Variants in DNAAF4 observed in about 807,000 individuals in gnomAD.
DNAAF4 encodes the protein dynein axonemal assembly factor 4.
A neutral mutation model predicts 51.8 loss-of-function variants in DNAAF4; 43 were observed. The observed-to-expected ratio is 0.83, with a 90% CI of 0.65 to 1.07. The LOEUF is 1.07. Among genes scored for constraint, DNAAF4 ranks in the 50% least tolerant of loss-of-function variants. The pLI is 0.00. For missense variants in DNAAF4, 581 were observed against 493.0 expected (o/e 1.18, Z -1.69); for synonymous variants, 194 against 165.6 (o/e 1.17, Z -1.32).
intron 9 of DNAAF4, among the ~76,000 whole-genome samples, chr15:55,431,892 T>G (rs1387587971): frequency 6.6e-6 from 1 of 152,048 alleles, no homozygotes; most frequent in African/African-American, 2.4e-5. Context: ...CCTGGGATTA[T>G]AGGCGTGAAG....
intron 7 of DNAAF4, among the ~76,000 whole-genome samples, chr15:55,439,215 C>T (rs903922038): frequency 1.3e-5 from 2 of 152,170 alleles, no homozygotes; most frequent in Non-Finnish European, 2.9e-5. Context: ...ATCCTCCCGC[C>T]GCAGCCTTCT....
chr15:55,483,386 T>C (rs917965038), intron 4 of DNAAF4, among the ~76,000 whole-genome samples: 16 of 150,070 alleles, frequency 1.1e-4, no homozygotes, highest in Non-Finnish European at 2.1e-4. Context: ...TGAGCCACCA[T>C]GCCTGGCCAA....
chr15:55,473,460 T>G (rs1242369484), intron 4 of DNAAF4, among the ~76,000 whole-genome samples: 1 of 150,490 alleles, frequency 6.6e-6, no homozygotes, highest in Non-Finnish European at 1.5e-5. Context: ...TAGGAAAATA[T>G]TAAAATTATA....
At chr15:55,429,153 C>T (rs751334957), downstream of DNAAF4, among the ~76,000 whole-genome samples, 3 of 151,742 alleles carry the variant, frequency 2.0e-5, no homozygotes, top group Admixed American at 6.6e-5. Context: ...ACCCAGGAGA[C>T]GGAGGTTGCA....
At chr15:55,429,379 G>A (rs1004497353), downstream of DNAAF4, among the ~76,000 whole-genome samples, 2 of 151,810 alleles carry the variant, frequency 1.3e-5, no homozygotes, top group Admixed American at 1.3e-4. Flanking sequence ...AAATTAATCA[G>A]GCGTGGTGGT....
chr15:55,497,354 G>C (rs2141602078), intron 3 of DNAAF4, among the ~76,000 whole-genome samples: 1 of 152,248 alleles, frequency 6.6e-6, no homozygotes, highest in East Asian at 1.9e-4. Flanking sequence ...CCAGCACTTT[G>C]GGAGGTCAAG....
intron 4 of DNAAF4, among the ~76,000 whole-genome samples, chr15:55,481,161 A>T (rs929160060): frequency 6.6e-6 from 1 of 152,160 alleles, no homozygotes; most frequent in African/African-American, 2.4e-5. Context: ...GATCTTGGGT[A>T]TGTCTTCATT....
intron 6 of DNAAF4, among the ~76,000 whole-genome samples, chr15:55,445,032 C>CTTTTTTTTTTTTT (rs35988188): frequency 1.8e-5 from 2 of 109,038 alleles, no homozygotes; most frequent in African/African-American, 3.6e-5. Flanking sequence ...ATTGAATACC[C>CTTTTTTTTTTTTT]TTTTTTTTTT....
intron 4 of DNAAF4, among the ~76,000 whole-genome samples, chr15:55,485,427 C>A (rs1595945054): frequency 6.6e-6 from 1 of 152,120 alleles, no homozygotes; most frequent in Non-Finnish European, 1.5e-5. Context: ...TGATAAGGAT[C>A]ATTTTGAGGT....
chr15:55,479,810 C>G (rs1406319038), intron 4 of DNAAF4, among the ~76,000 whole-genome samples: 1 of 152,100 alleles, frequency 6.6e-6, no homozygotes, highest in Non-Finnish European at 1.5e-5. Flanking sequence ...CCCTGGTCTC[C>G]TGCAGAACCC....
At chr15:55,443,490 T>C (rs964162796) in intron 6 of DNAAF4, 44 of 520,678 alleles carry the variant, frequency 8.5e-5, no homozygotes, top group African/African-American at 4.6e-4. Context: ...CTATTGTGAA[T>C]AGTGCTGCAA....
At chr15:55,475,017 C>T (rs2058317445) in intron 4 of DNAAF4, among the ~76,000 whole-genome samples, 1 of 151,858 alleles carries the variant, frequency 6.6e-6, no homozygotes, top group African/African-American at 2.4e-5. Flanking sequence ...ATAAGCAAGT[C>T]ATATATGTGT....
chr15:55,486,599 T>G (rs1304409617), intron 4 of DNAAF4, among the ~76,000 whole-genome samples: 1 of 152,000 alleles, frequency 6.6e-6, no homozygotes, highest in African/African-American at 2.4e-5. Context: ...CTGGGCAACA[T>G]AGTTAGACCC....
At position 55,477,149 on chromosome 15, in the gene DNAAF4, G is replaced by A. The variant is rs2058346413; in HGVS notation, c.406-9988C>T. Among the ~76,000 whole-genome samples, 4 of 151,544 alleles carry A rather than the reference G, an allele frequency of 2.6e-5. No individual in the cohort carries two copies. In the South Asian group the frequency reaches 8.3e-4, roughly 31 times the overall value. On this transcript the variant is annotated intron_variant, in intron 4 of 9. Coordinates refer to ENST00000321149, the MANE Select transcript of DNAAF4 (RefSeq NM_130810.4). The stretch of plus-strand genomic sequence containing the variant: ...ATCACGCCACTGTACTCCAGCCTGG[G>A]CAACAGAATGAAACTCCAACTCAAA...
At chr15:55,497,310 A>G (rs1008538136) in intron 3 of DNAAF4, among the ~76,000 whole-genome samples, 3 of 152,172 alleles carry the variant, frequency 2.0e-5, no homozygotes, top group Admixed American at 6.5e-5. Context: ...AGGAAAGTCT[A>G]TCTGGCCGGG....
intron 3 of DNAAF4, among the ~76,000 whole-genome samples, chr15:55,494,718 A>C (rs2058618128): frequency 6.6e-6 from 1 of 152,142 alleles, no homozygotes; most frequent in African/African-American, 2.4e-5. Flanking sequence ...AGCTTAAGTC[A>C]GTTTTAAGAC....
At chr15:55,493,653 GA>G (rs201667777) in intron 3 of DNAAF4, among the ~76,000 whole-genome samples, 34 of 150,240 alleles carry the variant, frequency 2.3e-4, no homozygotes, top group East Asian at 1.4e-3. Context: ...TATTTTATGT[GA>G]AAAAAAAATG....
At chr15:55,429,240 C>A (rs1019622742), downstream of DNAAF4, among the ~76,000 whole-genome samples, 1 of 151,716 alleles carries the variant, frequency 6.6e-6, no homozygotes, top group Non-Finnish European at 1.5e-5. Flanking sequence ...ATAAATAAGG[C>A]CGGGCGCGGT....
At chr15:55,426,950 G>A (rs1366018649), downstream of DNAAF4, among the ~76,000 whole-genome samples, 2 of 152,178 alleles carry the variant, frequency 1.3e-5, no homozygotes, top group East Asian at 3.8e-4. Context: ...CCCCAAAGGG[G>A]TTTACTCTGC....
Sources: allele counts gnomAD v4.1 joint callset (sites outside exome capture counted in the v4.1 genomes callset), GRCh38; gene constraint gnomAD v4.1.1; transcripts MANE v1.5; gene names NCBI Gene and HGNC (gene_info 2026-07-23, HGNC 2026-07-21).